Variants in SMYD3 observed in about 807,000 individuals in gnomAD.
The protein encoded by SMYD3 is histone-lysine N-methyltransferase SMYD3.
A neutral mutation model predicts 57.7 loss-of-function variants in SMYD3; 36 were observed. That is an observed-to-expected ratio of 0.62 (90% CI 0.48 to 0.82). The LOEUF is 0.82. SMYD3 is among the 40% of genes least tolerant of loss of function. SMYD3 has a pLI of 0.00. For synonymous variants in SMYD3, 211 were observed against 195.0 expected (o/e 1.08, Z -0.68); for missense variants, 515 against 538.8 (o/e 0.96, Z 0.44).
At chr1:245,770,624 G>C (rs1380792211) in intron 10 of SMYD3, among the ~76,000 whole-genome samples, 1 of 151,966 alleles carries the variant, frequency 6.6e-6, no homozygotes, top group African/African-American at 2.4e-5. Context: ...TTATAACCCG[G>C]CATACAAAAA....
At chr1:246,190,116 A>G (rs962428896) in intron 5 of SMYD3, among the ~76,000 whole-genome samples, 1 of 152,230 alleles carries the variant, frequency 6.6e-6, no homozygotes, top group African/African-American at 2.4e-5. Context: ...CCAAAAGACT[A>G]GTATTTAAGA....
chr1:245,763,644 G>C (rs2045951082), intron 11 of SMYD3, among the ~76,000 whole-genome samples: 1 of 152,168 alleles, frequency 6.6e-6, no homozygotes, highest in Non-Finnish European at 1.5e-5. Context: ...AGATGGTCAA[G>C]GGCTTGCCAC....
At chr1:245,772,905 T>C (rs1309191231) in intron 10 of SMYD3, among the ~76,000 whole-genome samples, 3 of 151,920 alleles carry the variant, frequency 2.0e-5, no homozygotes, top group Non-Finnish European at 4.4e-5. Flanking sequence ...TTCCAGTTAG[T>C]TGAATGACTA....
At chr1:246,257,674 G>A (rs1390677993) in intron 5 of SMYD3, among the ~76,000 whole-genome samples, 1 of 152,154 alleles carries the variant, frequency 6.6e-6, no homozygotes, top group East Asian at 1.9e-4. Context: ...TTGTTAGCTG[G>A]TGGCTTTGTA....
intron 11 of SMYD3, among the ~76,000 whole-genome samples, chr1:245,762,573 G>A (rs910668740): frequency 2.0e-5 from 3 of 152,136 alleles, no homozygotes; most frequent in Admixed American, 6.5e-5. Flanking sequence ...TTCTTCCCCC[G>A]CCTGGGTAAA....
chr1:246,405,981 C>T lies in SMYD3; in HGVS notation c.165-50887G>A, dbSNP rs532565527. Among the ~76,000 whole-genome samples the T allele has an allele frequency of 1.4e-4, 21 of 151,782 alleles. 1 individual carries two copies. In the South Asian group the frequency reaches 2.1e-3, roughly 15 times the overall value. On this transcript the variant is annotated intron_variant, in intron 1 of 11. Coordinates refer to ENST00000490107, the MANE Select transcript of SMYD3 (RefSeq NM_001167740.2). ...AGAATTAGACGGTTTGAGCCTGAAT[C>T]GCTGCAACAGTCTGTTAATTATTCA...
intron 5 of SMYD3, among the ~76,000 whole-genome samples, chr1:246,088,548 T>G (rs2060765040): frequency 7.1e-6 from 1 of 140,192 alleles, no homozygotes; most frequent in African/African-American, 3.0e-5. Flanking sequence ...AGGCGGAGCT[T>G]GCAGTGAGCC....
intron 1 of SMYD3, among the ~76,000 whole-genome samples, chr1:246,498,071 C>T (rs991832421): frequency 2.0e-5 from 3 of 152,124 alleles, no homozygotes; most frequent in African/African-American, 7.2e-5. Flanking sequence ...AAAGTTCAGG[C>T]TGCAAAGCTA....
intron 1 of SMYD3, among the ~76,000 whole-genome samples, chr1:246,490,181 T>C (rs2068248219): frequency 6.6e-6 from 1 of 152,068 alleles, no homozygotes; most frequent in Admixed American, 6.6e-5. Context: ...CCTATAAACA[T>C]TCGCTGTGAC....
At chr1:246,212,640 G>A (rs772837856) in intron 5 of SMYD3, among the ~76,000 whole-genome samples, 1 of 151,902 alleles carries the variant, frequency 6.6e-6, no homozygotes, top group Non-Finnish European at 1.5e-5. Context: ...CCTATTAACC[G>A]ATCTGTTTTA....
rs1389759370 is a variant in SMYD3 at position 246,234,082 on chromosome 1, C to T, written c.531+93119G>A. ...ACAGAGGAGAAGCACTCCTTCAATT[C>T]ACACTGTGATGAACATATACCACAC... On this transcript the variant is annotated intron_variant, in intron 5 of 11. Transcript: ENST00000490107. Among the ~76,000 whole-genome samples, 19 of 135,788 alleles carry T rather than the reference C, an allele frequency of 1.4e-4. 1 individual carries two copies. In the Admixed American group the frequency reaches 1.4e-3, roughly 10 times the overall value. The allele number at this position is 135,788 out of a possible 152,430, so 89.1% of individuals were successfully genotyped here. A position where few individuals can be genotyped will look rare whatever the true frequency, so the allele number is the denominator to read the frequency against.
chr1:246,290,566 T>C (rs1197652), intron 5 of SMYD3, among the ~76,000 whole-genome samples: 69,736 of 151,942 alleles, frequency 0.46, 16,946 homozygotes, highest in East Asian at 0.82. Context: ...CACATCAACA[T>C]ATTTTCAAGG....
intron 2 of SMYD3, among the ~76,000 whole-genome samples, chr1:246,342,984 A>C (rs1217427370): frequency 2.0e-5 from 3 of 152,234 alleles, no homozygotes; most frequent in Non-Finnish European, 2.9e-5. Context: ...GTACGTTCTA[A>C]TTCGTGCTAC....
chr1:246,080,951 A>G (rs181592759), intron 5 of SMYD3, among the ~76,000 whole-genome samples: 29 of 152,326 alleles, frequency 1.9e-4, no homozygotes, highest in Middle Eastern at 3.4e-3. Flanking sequence ...GAATGCATGT[A>G]TATTTTCATA....
At chr1:246,390,644 A>G (rs2066545714) in intron 1 of SMYD3, among the ~76,000 whole-genome samples, 1 of 152,244 alleles carries the variant, frequency 6.6e-6, no homozygotes, top group Non-Finnish European at 1.5e-5. Flanking sequence ...CTTTAACAAC[A>G]TATTTTATTT....
intron 1 of SMYD3, among the ~76,000 whole-genome samples, chr1:246,423,548 TAAAG>T (rs920423729): frequency 2.6e-5 from 4 of 151,494 alleles, no homozygotes; most frequent in African/African-American, 9.7e-5. Flanking sequence ...AAAAATGTTT[TAAAG>T]TAGTCAGATG....
At chr1:245,940,380 T>C (rs926707479) in intron 5 of SMYD3, among the ~76,000 whole-genome samples, 4 of 152,158 alleles carry the variant, frequency 2.6e-5, no homozygotes, top group African/African-American at 4.8e-5. Flanking sequence ...AGGAGCATTC[T>C]AGCTGGCATC....
intron 5 of SMYD3, among the ~76,000 whole-genome samples, chr1:246,189,407 A>G (rs1417822302): frequency 6.6e-6 from 1 of 152,238 alleles, no homozygotes; most frequent in Admixed American, 6.5e-5. Context: ...TCCATATTGG[A>G]GCATGACTGA....
intron 1 of SMYD3, among the ~76,000 whole-genome samples, chr1:246,383,169 C>T (rs965001233): frequency 6.6e-5 from 10 of 152,210 alleles, no homozygotes; most frequent in Middle Eastern, 3.2e-3. Context: ...CCTCAGGAGG[C>T]GGAAAGAAGG....
Sources: gnomAD v4.1 joint callset for allele counts (sites outside exome capture counted in the v4.1 genomes callset) on GRCh38, gnomAD v4.1.1 for gene constraint, MANE v1.5 for transcripts, NCBI Gene and HGNC (gene_info 2026-07-23, HGNC 2026-07-21) for gene names.